KLF12: variants seen among roughly 807,000 people sequenced by gnomAD.
The protein encoded by KLF12 is KLF transcription factor 12.
KLF12 carries 9 observed loss-of-function variants against 37.8 expected under a neutral mutation model. The ratio of observed to expected loss-of-function variants is 0.24; its 90% CI spans 0.14 to 0.42. The LOEUF is 0.42. KLF12 is among the 10% of genes least tolerant of loss of function. The pLI, the probability that KLF12 is intolerant of heterozygous loss-of-function variation, is 1.00. For synonymous variants in KLF12, 208 were observed against 202.1 expected, an observed-to-expected ratio of 1.03 and a Z score of -0.25; for missense variants, 411 against 516.0, an observed-to-expected ratio of 0.80 and a Z score of 1.97.
intron 7 of KLF12, among the ~76,000 whole-genome samples, chr13:73,697,751 A>T (rs976185296): frequency 1.3e-5 from 2 of 151,796 alleles, no homozygotes; most frequent in African/African-American, 4.8e-5. Context: ...AGCTAGAGAG[A>T]GTGTAAGGCC....
At chr13:74,276,313 A>G in the KLF12 span, among the ~76,000 whole-genome samples, 22 of 152,098 alleles carry the variant, frequency 1.4e-4, 1 homozygote, top group Admixed American at 1.1e-3. Flanking sequence ...GGTTCTCACT[A>G]TGTTGTACAG....
intron 5 of KLF12, among the ~76,000 whole-genome samples, chr13:73,776,929 C>T (rs1175812354): frequency 6.6e-6 from 1 of 152,090 alleles, no homozygotes; most frequent in Non-Finnish European, 1.5e-5. Flanking sequence ...AAGACATAGC[C>T]TCTGATCTTA....
At chr13:73,870,504 T>C (rs1886409713) in intron 3 of KLF12, among the ~76,000 whole-genome samples, 3 of 152,186 alleles carry the variant, frequency 2.0e-5, no homozygotes, top group Admixed American at 1.3e-4. Flanking sequence ...GATAAAAAAA[T>C]CTTAAAAGTA....
chr13:73,781,383 C>T (rs1038044772), intron 5 of KLF12, among the ~76,000 whole-genome samples: 15 of 152,140 alleles, frequency 9.9e-5, no homozygotes, highest in African/African-American at 3.6e-4. Flanking sequence ...CTCTGAGGTA[C>T]ACCACTATTT....
chr13:73,904,367 G>A (rs553387904), intron 3 of KLF12, among the ~76,000 whole-genome samples: 14 of 151,056 alleles, frequency 9.3e-5, no homozygotes, highest in East Asian at 3.9e-4. Context: ...TTAATCTATC[G>A]TAAATGCAAT....
intron 1 of KLF12, among the ~76,000 whole-genome samples, chr13:74,013,860 T>C (rs890863307): frequency 1.3e-5 from 2 of 152,110 alleles, no homozygotes; most frequent in African/African-American, 4.8e-5. Context: ...TTTCTTTTTT[T>C]TTTTTAAGAG....
the KLF12 span, among the ~76,000 whole-genome samples, chr13:74,146,891 G>A: frequency 1.3e-5 from 2 of 152,170 alleles, no homozygotes; most frequent in African/African-American, 2.4e-5. Context: ...TTGCACCTAC[G>A]TTGACTGACT....
chr13:74,170,996 C>G, the KLF12 span, among the ~76,000 whole-genome samples: 1 of 152,104 alleles, frequency 6.6e-6, no homozygotes, highest in African/African-American at 2.4e-5. Flanking sequence ...AACTCCTGAC[C>G]TCAGGTGATC....
chr13:73,734,378 G>A (rs953516615), intron 6 of KLF12, among the ~76,000 whole-genome samples: 1 of 152,060 alleles, frequency 6.6e-6, no homozygotes, highest in Non-Finnish European at 1.5e-5. Context: ...CAGAATGTAA[G>A]TTTTATGTGG....
chr13:74,217,981 G>A, the KLF12 span, among the ~76,000 whole-genome samples: 3 of 152,164 alleles, frequency 2.0e-5, no homozygotes, highest in African/African-American at 7.2e-5. Context: ...CCATGGCTCT[G>A]GTTGTAAATG....
At chr13:74,038,972 C>A (rs1013230894) in intron 1 of KLF12, among the ~76,000 whole-genome samples, 1 of 151,650 alleles carries the variant, frequency 6.6e-6, no homozygotes, top group Non-Finnish European at 1.5e-5. Flanking sequence ...AAAAAATTAA[C>A]CTCGAATAGC....
chr13:73,806,101 GTTT>G lies in KLF12; in HGVS notation c.806+7048_806+7050del, dbSNP rs58028136. Reference sequence around the variant, plus strand: ...AGGTGTCACCCACTGTGCCCTGCCAGTTTTTTTTTTCTTTCTTTTTTTTTTTTT... The same window carrying G: ...AGGTGTCACCCACTGTGCCCTGCCAGTTTTTTTCTTTCTTTTTTTTTTTTT... On this transcript the variant is annotated intron_variant, in intron 5 of 7. Transcript: ENST00000377669. Among the ~76,000 whole-genome samples the G allele has an allele frequency of 6.2e-5, 9 of 145,812 alleles. No homozygotes were observed. In the East Asian group the frequency reaches 1.9e-3, roughly 30 times the overall value.
chr13:74,174,667 G>A, the KLF12 span, among the ~76,000 whole-genome samples: 2 of 152,088 alleles, frequency 1.3e-5, no homozygotes, highest in African/African-American at 2.4e-5. Context: ...GCAACAGATG[G>A]TTTAACTGAT....
the KLF12 span, among the ~76,000 whole-genome samples, chr13:74,209,721 A>T: frequency 3.2e-4 from 49 of 152,314 alleles, no homozygotes; most frequent in African/African-American, 9.4e-4. Context: ...TCCTTGAGAT[A>T]ATCTTGTGTG....
At chr13:73,837,023 C>T (rs545522393) in intron 4 of KLF12, among the ~76,000 whole-genome samples, 1 of 152,310 alleles carries the variant, frequency 6.6e-6, no homozygotes, top group Admixed American at 6.5e-5. Context: ...CTTGCTTTAG[C>T]TGCTTTACCT....
At chr13:74,274,972 T>C in the KLF12 span, among the ~76,000 whole-genome samples, 8 of 152,334 alleles carry the variant, frequency 5.3e-5, no homozygotes, top group East Asian at 1.5e-3. Context: ...TTAAGGAGCC[T>C]GTTTACACCC....
At chr13:73,939,246 CCTCT>C (rs1890084863) in intron 3 of KLF12, among the ~76,000 whole-genome samples, 1 of 152,124 alleles carries the variant, frequency 6.6e-6, no homozygotes, top group Non-Finnish European at 1.5e-5. Context: ...TTCAGGTCTC[CCTCT>C]GAGTCCTCTG....
At chr13:74,185,963 G>A in the KLF12 span, among the ~76,000 whole-genome samples, 1 of 152,138 alleles carries the variant, frequency 6.6e-6, no homozygotes, top group Admixed American at 6.6e-5. Context: ...TAACTTTGTG[G>A]TAGGTCACTT....
intron 5 of KLF12, among the ~76,000 whole-genome samples, chr13:73,812,386 C>A (rs1204605686): frequency 2.1e-4 from 32 of 148,862 alleles, no homozygotes; most frequent in Non-Finnish European, 1.9e-4. Flanking sequence ...TGCATTCTCA[C>A]AAAAAAAAAA....
Sources: allele counts gnomAD v4.1 joint callset (sites outside exome capture counted in the v4.1 genomes callset), GRCh38; gene constraint gnomAD v4.1.1; transcripts MANE v1.5; gene names NCBI Gene and HGNC (gene_info 2026-07-23, HGNC 2026-07-21).